Variants in IGFBP5 observed in about 807,000 individuals in gnomAD.
IGFBP5 encodes insulin like growth factor binding protein 5.
IGFBP5 carries 12 observed loss-of-function variants against 28.0 expected under a neutral mutation model. The ratio of observed to expected loss-of-function variants is 0.43; its 90% CI spans 0.27 to 0.69. The LOEUF (loss-of-function observed/expected upper bound fraction) is 0.69. IGFBP5 is among the 30% of genes least tolerant of loss of function. IGFBP5 has a pLI of 0.20. For synonymous variants in IGFBP5, 152 were observed against 150.2 expected, an observed-to-expected ratio of 1.01 and a Z score of -0.09; for missense variants, 344 against 381.6, an observed-to-expected ratio of 0.90 and a Z score of 0.82.
rs1433981210 is a variant in IGFBP5 at position 216,692,317 on chromosome 2, G to A, written c.337+2122C>T. Among the ~76,000 whole-genome samples the A allele has an allele frequency of 2.0e-5, 3 of 151,746 alleles. No individual in the cohort carries two copies. The highest frequency in any genetic ancestry group is 2.9e-5 in the Non-Finnish European group (2 of 67,964). ...CTCAGAAGGTGGGGGTTGAGCAAGG[G>A]GCGGCAGGGAATTCTACAGGGGATC... is the stretch of plus-strand genomic sequence containing the variant. On this transcript the variant is annotated intron_variant, in intron 1 of 3. Coordinates refer to ENST00000233813, the MANE Select transcript of IGFBP5 (RefSeq NM_000599.4). This position sits in a 1 kb window ranked among gnomAD's most constrained non-coding sequence, Gnocchi z 4.2.
Position 216,679,749 on chromosome 2 carries a change from G to A in IGFBP5, c.338-670C>T, listed in dbSNP as rs1429047623. 6.6e-6 allele frequency among the ~76,000 whole-genome samples: 1 copy of A among 152,142 alleles called. No homozygotes were observed. Among genetic ancestry groups the A allele is most frequent in the African/African-American group, 2.4e-5 (1 of 41,428 alleles). On this transcript the variant is annotated intron_variant, in intron 1 of 3. Coordinates refer to ENST00000233813, the MANE Select transcript of IGFBP5 (RefSeq NM_000599.4). This position sits in a 1 kb window ranked among gnomAD's most constrained non-coding sequence, Gnocchi z 4.6. ...CAGAAATGTAGGCCCGGAGGGGACC[G>A]GCGTGGGGCCAAGTGGAAGTCGGAG... is the stretch of plus-strand genomic sequence containing the variant.
chr2:216,681,646 TGGG>T (rs945692916), intron 1 of IGFBP5, among the ~76,000 whole-genome samples: 1 of 152,088 alleles, frequency 6.6e-6, no homozygotes, highest in African/African-American at 2.4e-5. Context: ...ACATCTGAAA[TGGG>T]GGTGCCATTC....
At position 216,676,782 on chromosome 2, in the gene IGFBP5, CACTGAAAGTCCCCGTCAACGT is replaced by C; in HGVS notation, c.767_787del (p.Tyr256_Gln262del). 1 of 1,613,878 alleles carries C rather than the reference CACTGAAAGTCCCCGTCAACGT, an allele frequency of 6.2e-7. No homozygotes were observed. The highest frequency in any genetic ancestry group is 8.5e-7 in the Non-Finnish European group (1 of 1,179,892). ...AACGTTGCTGCTGTCGAAGGTGTGG[CACTGAAAGTCCCCGTCAACGT>C]ACTCCATGCCTGGCAGCTTCATCCC... is the stretch of plus-strand genomic sequence containing the variant. On this transcript the variant is annotated inframe_deletion, in exon 4 of 4. Coordinates refer to ENST00000233813, the MANE Select transcript of IGFBP5 (RefSeq NM_000599.4).
intron 2 of IGFBP5, 95 bp from the exon 3 acceptor site, chr2:216,678,326 T>A (rs1688929449): frequency 7.6e-7 from 1 of 1,320,010 alleles, no homozygotes; most frequent in African/African-American, 1.5e-5. Context: ...CTGAAGGGTC[T>A]CTGGAGGAAA....
chr2:216,683,363 G>A (rs774002477), intron 1 of IGFBP5, among the ~76,000 whole-genome samples: 18 of 152,152 alleles, frequency 1.2e-4, no homozygotes, highest in Non-Finnish European at 1.6e-4. Context: ...GGGACAGAGT[G>A]AGACCCTGTC....
chr2:216,690,657 C>A (rs548804215), intron 1 of IGFBP5, among the ~76,000 whole-genome samples: 1 of 151,350 alleles, frequency 6.6e-6, no homozygotes, highest in South Asian at 2.1e-4. Flanking sequence ...CCAGCCCAAG[C>A]CCCGGGACTA....
chr2:216,694,719 C>T lies in IGFBP5; in HGVS notation c.57G>A (p.Gln19=). 6.8e-7 allele frequency: 1 copy of T among 1,471,534 alleles called. No individual in the cohort carries two copies. The highest frequency in any genetic ancestry group is 9.0e-7 in the Non-Finnish European group (1 of 1,116,052). The allele number at this position is 1,471,534 out of a possible 1,614,324, so 91.2% of individuals were successfully genotyped here. ...CGCAGTGCACGAAGGAGCCCAGGCT[C>T]TGGGCCGGCCCCGCATAGGCGGCCA... ...LLLAAYAGPA[Q]SLGSFVHCEP... is the part of the protein sequence containing the mutation. Residue 19 remains glutamine (Q), a synonymous_variant, in exon 1 of 4, where the codon CAG becomes CAA. Transcript: ENST00000233813. The surrounding 1 kb of genome is among the most constrained non-coding windows in gnomAD (Gnocchi z 5.2).
chr2:216,675,919 G>T lies in IGFBP5; in HGVS notation c.*832C>A, dbSNP rs1235571574. Reference sequence around the variant, plus strand: ...CGCTTCAGCATGTACTGTAGTCACCGTGGAAGAACAAGTCTTTCCAATATT... The same window carrying T: ...CGCTTCAGCATGTACTGTAGTCACCTTGGAAGAACAAGTCTTTCCAATATT... On this transcript the variant is annotated 3_prime_UTR_variant, in exon 4 of 4. Coordinates refer to ENST00000233813, the MANE Select transcript of IGFBP5 (RefSeq NM_000599.4). 1 of 152,252 alleles carries T rather than the reference G, an allele frequency of 6.6e-6. No individual in the cohort carries two copies. The highest frequency in any genetic ancestry group is 1.9e-4 in the East Asian group (1 of 5,188). 9.4% of individuals were successfully genotyped at this position (152,252 alleles called of 1,614,324 possible). A position where few individuals can be genotyped will look rare whatever the true frequency, so the allele number is the denominator to read the frequency against.
At chr2:216,688,097 G>A (rs774609775) in intron 1 of IGFBP5, among the ~76,000 whole-genome samples, 6 of 152,140 alleles carry the variant, frequency 3.9e-5, no homozygotes, top group Admixed American at 6.5e-5. Flanking sequence ...CCGGGGAACT[G>A]AGGAACCACA....
chr2:216,691,751 G>A (rs1010443736), intron 1 of IGFBP5, among the ~76,000 whole-genome samples: 1 of 148,970 alleles, frequency 6.7e-6, no homozygotes, highest in Admixed American at 6.7e-5. Context: ...ACCTTTTTTG[G>A]GTTCTACATG....
rs1200771131 is a variant in IGFBP5 at position 216,672,940 on chromosome 2, G to A, written c.*3811C>T. On this transcript the variant is annotated 3_prime_UTR_variant, in exon 4 of 4. Coordinates refer to ENST00000233813, the MANE Select transcript of IGFBP5 (RefSeq NM_000599.4). ...AAAACACAGACAGTACAAGGCCCAG[G>A]TTGCTGGCTGGTGAAACCCCTGTCC... 1 of 152,686 alleles carries A rather than the reference G, an allele frequency of 6.5e-6. No individual in the cohort carries two copies. Among genetic ancestry groups the A allele is most frequent in the African/African-American group, 2.4e-5 (1 of 41,444 alleles). 9.5% of individuals were successfully genotyped at this position (152,686 alleles called of 1,614,324 possible).
chr2:216,692,362 CGT>C lies in IGFBP5; in HGVS notation c.337+2075_337+2076del, dbSNP rs59144401. On this transcript the variant is annotated intron_variant, in intron 1 of 3. Transcript: ENST00000233813. This position sits in a 1 kb window ranked among gnomAD's most constrained non-coding sequence, Gnocchi z 4.2. ...GGGATCTTGCTTGGGACTGAAGTGTCGTGTGTGTGTGTGTGTGTGTGTGTGTG... is the reference window on the plus strand; with the variant it reads ...GGGATCTTGCTTGGGACTGAAGTGTCGTGTGTGTGTGTGTGTGTGTGTGTG... Among the ~76,000 whole-genome samples the C allele has an allele frequency of 0.052, 7,367 of 142,448 alleles. 305 individuals carry two copies. Among genetic ancestry groups the C allele is most frequent in the East Asian group, 0.18 (811 of 4,634 alleles). 93.5% of individuals were successfully genotyped at this position (142,448 alleles called of 152,430 possible).
At chr2:216,688,372 C>G (rs1204564861) in intron 1 of IGFBP5, among the ~76,000 whole-genome samples, 1 of 152,074 alleles carries the variant, frequency 6.6e-6, no homozygotes, top group African/African-American at 2.4e-5. Flanking sequence ...TAAAATATCT[C>G]ATTATAATTG....
intron 1 of IGFBP5, among the ~76,000 whole-genome samples, chr2:216,689,734 A>G (rs1054175969): frequency 2.6e-5 from 4 of 152,230 alleles, no homozygotes; most frequent in African/African-American, 9.6e-5. Flanking sequence ...CAGTATCCTC[A>G]TTCTAAAACT....
Position 216,675,527 on chromosome 2 carries a change from A to T in IGFBP5, c.*1224T>A, listed in dbSNP as rs1462360820. 1 of 152,122 alleles carries T rather than the reference A, an allele frequency of 6.6e-6. No homozygotes were observed. The highest frequency in any genetic ancestry group is 1.9e-4 in the East Asian group (1 of 5,182). The allele number at this position is 152,122 out of a possible 1,614,324, so 9.4% of individuals were successfully genotyped here. A position where few individuals can be genotyped will look rare whatever the true frequency, so the allele number is the denominator to read the frequency against. Reference sequence around the variant, plus strand: ...TGGGTGCAGATGAACACACGTGGGGAATCACTGTCAAATCCAGTACTGTGC... The same window carrying T: ...TGGGTGCAGATGAACACACGTGGGGTATCACTGTCAAATCCAGTACTGTGC... On this transcript the variant is annotated 3_prime_UTR_variant, in exon 4 of 4. Transcript: ENST00000233813.
Position 216,694,608 on chromosome 2 carries a change from G to A in IGFBP5, c.168C>T (p.Cys56=). 1.3e-6 allele frequency: 2 copies of A among 1,540,194 alleles called. No individual in the cohort carries two copies. Among genetic ancestry groups the A allele is most frequent in the South Asian group, 1.2e-5 (1 of 82,160 alleles). ...GCCCCTCGGCCAGGGCGCAGGTCATGCAGCAGCCGCAGCCCGGCTCCTTGA... is the reference window on the plus strand; with the variant it reads ...GCCCCTCGGCCAGGGCGCAGGTCATACAGCAGCCGCAGCCCGGCTCCTTGA... ...ELVKEPGCGC[C]MTCALAEGQS... Residue 56 remains cysteine (C), a synonymous_variant, in exon 1 of 4, where the codon TGC becomes TGT. Coordinates refer to ENST00000233813, the MANE Select transcript of IGFBP5 (RefSeq NM_000599.4). This position sits in a 1 kb window ranked among gnomAD's most constrained non-coding sequence, Gnocchi z 5.2.
At chr2:216,686,162 C>T (rs1004374315) in intron 1 of IGFBP5, among the ~76,000 whole-genome samples, 3 of 152,124 alleles carry the variant, frequency 2.0e-5, no homozygotes. Context: ...CCATTTTAGG[C>T]CGGGAGAAAT....
rs759004307 is a variant in IGFBP5 at position 216,674,719 on chromosome 2, G to A, written c.*2032C>T. 1.3e-5 allele frequency: 2 copies of A among 152,202 alleles called. No individual in the cohort carries two copies. The highest frequency in any genetic ancestry group is 2.9e-5 in the Non-Finnish European group (2 of 68,058). The allele number at this position is 152,202 out of a possible 1,614,324, so 9.4% of individuals were successfully genotyped here. A position where few individuals can be genotyped will look rare whatever the true frequency, so the allele number is the denominator to read the frequency against. The stretch of plus-strand genomic sequence containing the variant: ...AGAATGGGAGTTTCGGAATCTGGCT[G>A]CCGAGTGACAGCATCCCTGAATCAT... On this transcript the variant is annotated 3_prime_UTR_variant, in exon 4 of 4. Coordinates refer to ENST00000233813, the MANE Select transcript of IGFBP5 (RefSeq NM_000599.4). The surrounding 1 kb of genome is among the most constrained non-coding windows in gnomAD (Gnocchi z 4.4).
intron 1 of IGFBP5, among the ~76,000 whole-genome samples, chr2:216,682,139 G>T (rs1688983978): frequency 1.3e-5 from 2 of 152,308 alleles, no homozygotes; most frequent in South Asian, 4.1e-4. Context: ...AAGCTTTTTG[G>T]CTGCTTCTGA....
Sources: allele counts gnomAD v4.1 joint callset (sites outside exome capture counted in the v4.1 genomes callset), GRCh38; gene constraint gnomAD v4.1.1; non-coding constraint Gnocchi (gnomAD v3.1); transcripts MANE v1.5; gene names NCBI Gene and HGNC (gene_info 2026-07-23, HGNC 2026-07-21).